Variants in CHRM3 observed in about 807,000 individuals in gnomAD.
CHRM3 encodes the protein muscarinic acetylcholine receptor M3.
A neutral mutation model predicts 41.8 loss-of-function variants in CHRM3; 11 were observed. The ratio of observed to expected loss-of-function variants is 0.26; its 90% confidence interval spans 0.17 to 0.44. CHRM3 has a LOEUF of 0.44. CHRM3 is among the 20% of genes least tolerant of loss of function. CHRM3 has a pLI of 1.00. For missense variants in CHRM3, 571 were observed against 745.4 expected, an observed-to-expected ratio of 0.77 and a Z score of 2.72; for synonymous variants, 297 against 301.4, an observed-to-expected ratio of 0.99 and a Z score of 0.15.
intron 3 of CHRM3, among the ~76,000 whole-genome samples, chr1:239,601,944 C>T (rs1199955110): frequency 1.3e-5 from 2 of 151,508 alleles, no homozygotes; most frequent in African/African-American, 2.4e-5. Flanking sequence ...TTTATAAGTG[C>T]CCATAATGTC....
At chr1:239,783,769 G>T (rs952844670) in intron 5 of CHRM3, among the ~76,000 whole-genome samples, 3 of 152,280 alleles carry the variant, frequency 2.0e-5, no homozygotes, top group Middle Eastern at 3.4e-3. Context: ...TGAATAAGTT[G>T]CATGATGCTG....
chr1:239,634,862 T>G (rs1016401086), intron 4 of CHRM3, among the ~76,000 whole-genome samples: 3 of 152,332 alleles, frequency 2.0e-5, no homozygotes, highest in Admixed American at 1.3e-4. Context: ...CTAGCAATTT[T>G]TGGCATTATA....
chr1:239,909,378 A>G lies in CHRM3; in HGVS notation c.*154A>G. The G allele has an allele frequency of 9.3e-6, 6 of 648,030 alleles. No individual in the cohort carries two copies. The highest frequency in any genetic ancestry group is 1.5e-5 in the Non-Finnish European group (6 of 395,214). The allele number at this position is 648,030 out of a possible 1,614,324, so 40.1% of individuals were successfully genotyped here. A position where few individuals can be genotyped will look rare whatever the true frequency, so the allele number is the denominator to read the frequency against. On this transcript the variant is annotated 3_prime_UTR_variant, in exon 7 of 7. Transcript: ENST00000676153. ...CTGCCTGTTTACTGATCCATTGAAT[A>G]AACCCATTTTAATAGAAAAAGTCAA...
At chr1:239,389,679 C>T (rs901477521) in intron 1 of CHRM3, among the ~76,000 whole-genome samples, 12 of 152,152 alleles carry the variant, frequency 7.9e-5, no homozygotes, top group Non-Finnish European at 1.5e-5. Context: ...TGGTTAAAAG[C>T]AAAGTTGCCT....
At chr1:239,602,110 GTATATA>G (rs1186014237) in intron 3 of CHRM3, among the ~76,000 whole-genome samples, 1 of 112,862 alleles carries the variant, frequency 8.9e-6, no homozygotes, top group Non-Finnish European at 1.9e-5. Context: ...GTGTGTGTGT[GTATATA>G]TATATATATA....
chr1:239,419,804 A>T (rs755217063), intron 1 of CHRM3, among the ~76,000 whole-genome samples: 1 of 152,206 alleles, frequency 6.6e-6, no homozygotes, highest in Non-Finnish European at 1.5e-5. Context: ...ACCATTCTTC[A>T]TGGGCTTATA....
intron 2 of CHRM3, among the ~76,000 whole-genome samples, chr1:239,506,482 A>G (rs1490114690): frequency 1.3e-5 from 2 of 152,166 alleles, no homozygotes; most frequent in Non-Finnish European, 2.9e-5. Flanking sequence ...CATGGAAGTC[A>G]ATAATGGAGG....
chr1:239,761,674 G>A (rs771625835), intron 5 of CHRM3, among the ~76,000 whole-genome samples: 10 of 152,232 alleles, frequency 6.6e-5, no homozygotes, highest in Middle Eastern at 6.8e-3. Flanking sequence ...TGCGCTAGGG[G>A]GCCTTTTCAC....
intron 3 of CHRM3, among the ~76,000 whole-genome samples, chr1:239,596,685 C>T (rs1478046607): frequency 6.6e-6 from 1 of 152,044 alleles, no homozygotes; most frequent in East Asian, 1.9e-4. Context: ...GAAAAGGATG[C>T]TTTCTTGTAG....
chr1:239,391,747 T>G lies in CHRM3; in HGVS notation c.-521+4520T>G, dbSNP rs77401491. On this transcript the variant is annotated intron_variant, in intron 1 of 6. Transcript: ENST00000676153. ...ATTGTGCCAGTTCATCCTGAAGCCA[T>G]CCGGAATATGAACACTTTGAGAAAA... Among the ~76,000 whole-genome samples, 1,007 of 152,244 alleles carry G rather than the reference T, an allele frequency of 6.6e-3. 10 individuals carry two copies. The highest frequency in any genetic ancestry group is 0.023 in the African/African-American group (972 of 41,528).
chr1:239,743,556 C>A (rs961608945), intron 5 of CHRM3, among the ~76,000 whole-genome samples: 11 of 152,114 alleles, frequency 7.2e-5, no homozygotes, highest in Non-Finnish European at 1.5e-4. Flanking sequence ...TCCCACCCAA[C>A]CTTCCAGATG....
intron 5 of CHRM3, among the ~76,000 whole-genome samples, chr1:239,709,747 T>A (rs1008083641): frequency 2.0e-5 from 3 of 152,174 alleles, no homozygotes; most frequent in African/African-American, 7.2e-5. Context: ...TTATTTTAAG[T>A]TGGGACGTTC....
intron 5 of CHRM3, chr1:239,720,007 T>A (rs1662776527): frequency 6.6e-6 from 1 of 151,920 alleles, no homozygotes. Flanking sequence ...AACCCAGGGA[T>A]CGGCAGGATT....
At position 239,552,474 on chromosome 1, in the gene CHRM3, G is replaced by A. The variant is rs182998503; in HGVS notation, c.-313+6725G>A. Among the ~76,000 whole-genome samples, 518 of 145,936 alleles carry A rather than the reference G, an allele frequency of 3.5e-3. 4 individuals are homozygous for A. The highest frequency in any genetic ancestry group is 0.012 in the African/African-American group (495 of 39,816). The stretch of plus-strand genomic sequence containing the variant: ...TATCATATTTTATATATGTATAGAT[G>A]ATATATATCATACTTTACATAAAAT... On this transcript the variant is annotated intron_variant, in intron 3 of 6. Coordinates refer to ENST00000676153, the MANE Select transcript of CHRM3 (RefSeq NM_001375978.1).
At position 239,547,645 on chromosome 1, in the gene CHRM3, CTT is replaced by C. The variant is rs539713506; in HGVS notation, c.-313+1898_-313+1899del. Among the ~76,000 whole-genome samples the C allele has an allele frequency of 2.0e-3, 300 of 152,272 alleles. 1 individual carries two copies. The highest frequency in any genetic ancestry group is 6.9e-3 in the African/African-American group (288 of 41,566). Reference sequence around the variant, plus strand: ...CCACACAAGGAATGGCAGCTATCCCCTTTGTCAGGCATTGTAAAGATATAATC... The same window carrying C: ...CCACACAAGGAATGGCAGCTATCCCCTGTCAGGCATTGTAAAGATATAATC... On this transcript the variant is annotated intron_variant, in intron 3 of 6. Coordinates refer to ENST00000676153, the MANE Select transcript of CHRM3 (RefSeq NM_001375978.1).
At chr1:239,506,173 T>C (rs146921554) in intron 2 of CHRM3, among the ~76,000 whole-genome samples, 2,411 of 152,274 alleles carry the variant, frequency 0.016, 55 homozygotes, top group Middle Eastern at 0.051. Context: ...TCAAGCCAGC[T>C]CCAGAAATTT....
intron 2 of CHRM3, among the ~76,000 whole-genome samples, chr1:239,506,326 G>A (rs1668568188): frequency 6.6e-6 from 1 of 152,198 alleles, no homozygotes; most frequent in South Asian, 2.1e-4. Flanking sequence ...GGCCGGGCCT[G>A]CTCTGTGCAG....
At chr1:239,784,608 G>A (rs562347899) in intron 5 of CHRM3, among the ~76,000 whole-genome samples, 5 of 152,162 alleles carry the variant, frequency 3.3e-5, no homozygotes, top group South Asian at 4.1e-4. Flanking sequence ...TTATTAATAC[G>A]TCGTTACAAT....
At chr1:239,594,260 G>C (rs1162462820) in intron 3 of CHRM3, among the ~76,000 whole-genome samples, 1 of 152,182 alleles carries the variant, frequency 6.6e-6, no homozygotes, top group Non-Finnish European at 1.5e-5. Flanking sequence ...CTACTTGGCA[G>C]TTTGTTGACT....
Sources: gnomAD v4.1 joint callset for allele counts (sites outside exome capture counted in the v4.1 genomes callset) on GRCh38, gnomAD v4.1.1 for gene constraint, MANE v1.5 for transcripts, NCBI Gene and HGNC (gene_info 2026-07-23, HGNC 2026-07-21) for gene names.